Variants in IQSEC1 observed in about 807,000 individuals in gnomAD.
The protein encoded by IQSEC1 is IQ motif and Sec7 domain ArfGEF 1.
Under a neutral mutation model 91.0 loss-of-function variants are expected in IQSEC1, and 31 were observed. That is an observed-to-expected ratio of 0.34 (90% CI 0.26 to 0.46). The LOEUF (loss-of-function observed/expected upper bound fraction) is 0.46, where lower values mean the gene tolerates loss of function less well. IQSEC1 is among the 20% of genes least tolerant of loss of function. The pLI is 1.00. For missense variants in IQSEC1, 1,388 were observed against 1,575.6 expected, an observed-to-expected ratio of 0.88 and a Z score of 2.02; for synonymous variants, 699 against 662.6, an observed-to-expected ratio of 1.05 and a Z score of -0.84.
At chr3:13,077,400 C>A (rs140040177), upstream of IQSEC1, among the ~76,000 whole-genome samples, 91 of 152,344 alleles carry the variant, frequency 6.0e-4, no homozygotes, top group East Asian at 0.015. Context: ...GAATCTCCTG[C>A]ATAGAGAGGT....
chr3:13,220,891 A>G (rs1356079732), intron 1 of IQSEC1, among the ~76,000 whole-genome samples: 1 of 152,126 alleles, frequency 6.6e-6, no homozygotes. Flanking sequence ...TCCTGTTTCT[A>G]TTGACAGCTA....
chr3:13,144,915 G>A (rs1220233574), intron 2 of IQSEC1, among the ~76,000 whole-genome samples: 1 of 152,232 alleles, frequency 6.6e-6, no homozygotes, highest in African/African-American at 2.4e-5. Context: ...TCTGGCCATG[G>A]CAGGGCTAAG....
At chr3:13,273,203 C>T (rs1443071165) in intron 1 of IQSEC1, among the ~76,000 whole-genome samples, 1 of 152,288 alleles carries the variant, frequency 6.6e-6, no homozygotes. Context: ...GCTGGCCTGG[C>T]CCCAGAGTCT....
intron 1 of IQSEC1, among the ~76,000 whole-genome samples, chr3:13,014,166 G>A (rs1703011657): frequency 6.6e-6 from 1 of 152,148 alleles, no homozygotes; most frequent in African/African-American, 2.4e-5. Flanking sequence ...TGGGCCAACA[G>A]CCCCTGGCTC....
intron 2 of IQSEC1, among the ~76,000 whole-genome samples, chr3:13,131,037 A>AAAGGAAAGGAAGGAAGG (rs1706606644): frequency 7.0e-6 from 1 of 143,792 alleles, no homozygotes; most frequent in Non-Finnish European, 1.5e-5. Context: ...GGAAGGAAGG[A>AAAGGAAAGGAAGGAAGG]AAGGAAGGAA....
intron 1 of IQSEC1, among the ~76,000 whole-genome samples, chr3:13,053,392 A>G (rs1576218482): frequency 6.6e-6 from 1 of 152,212 alleles, no homozygotes; most frequent in African/African-American, 2.4e-5. Flanking sequence ...CGCTGCTGTA[A>G]GAATTATTCC....
At position 13,214,575 on chromosome 3, in the gene IQSEC1, C is replaced by T. The variant is rs1694507425; in HGVS notation, c.273-50442G>A. ...GGCCTCTCACTGCCAGGTGGACGAA[C>T]CAGGGCAGGAATCCTAGCAGAAGCC... On this transcript the variant is annotated intron_variant, in intron 1 of 15. Coordinates refer to the IQSEC1 transcript ENST00000648114. This position sits in a 1 kb window ranked among gnomAD's most constrained non-coding sequence, Gnocchi z 4.5. 1.3e-5 allele frequency among the ~76,000 whole-genome samples: 2 copies of T among 152,380 alleles called. No homozygotes were observed. Among genetic ancestry groups the T allele is most frequent in the South Asian group, 4.1e-4 (2 of 4,834 alleles).
chr3:12,926,504 T>C (rs1697150111), intron 3 of IQSEC1, among the ~76,000 whole-genome samples: 3 of 152,302 alleles, frequency 2.0e-5, no homozygotes, highest in South Asian at 4.1e-4. Flanking sequence ...TGTCAAGTGG[T>C]TGGGGACACC....
At chr3:13,210,751 C>T (rs1338301828) in intron 1 of IQSEC1, among the ~76,000 whole-genome samples, 6 of 152,096 alleles carry the variant, frequency 3.9e-5, no homozygotes, top group Non-Finnish European at 8.8e-5. Context: ...CTTCAGGCAG[C>T]CTCAGGAGTC....
At chr3:13,073,908 C>T (rs1705517118), upstream of IQSEC1, among the ~76,000 whole-genome samples, 1 of 152,242 alleles carries the variant, frequency 6.6e-6, no homozygotes, top group Non-Finnish European at 1.5e-5. Flanking sequence ...GCGCACCACG[C>T]CAGTAGCTGC....
At chr3:13,075,917 G>A (rs372198204), upstream of IQSEC1, among the ~76,000 whole-genome samples, 2 of 152,166 alleles carry the variant, frequency 1.3e-5, no homozygotes, top group Non-Finnish European at 2.9e-5. Context: ...GAAAAGGGGC[G>A]CGCCCACCTG....
At chr3:13,049,086 C>A (rs149786162) in intron 1 of IQSEC1, among the ~76,000 whole-genome samples, 2 of 152,124 alleles carry the variant, frequency 1.3e-5, no homozygotes, top group South Asian at 4.1e-4. Context: ...GGAGAGCTAG[C>A]GGGGTGGCAA....
At chr3:13,217,800 T>C (rs959642307) in intron 1 of IQSEC1, among the ~76,000 whole-genome samples, 23 of 152,182 alleles carry the variant, frequency 1.5e-4, no homozygotes, top group Admixed American at 1.4e-3. Context: ...TAGAAAAGAA[T>C]GCTCAAAATA....
intron 1 of IQSEC1, among the ~76,000 whole-genome samples, chr3:12,991,624 A>G (rs1701995097): frequency 6.6e-6 from 1 of 152,202 alleles, no homozygotes. Flanking sequence ...GACCAGCACA[A>G]AGGCAGCTCC....
chr3:13,187,568 T>A (rs1693956277), intron 1 of IQSEC1, among the ~76,000 whole-genome samples: 1 of 152,226 alleles, frequency 6.6e-6, no homozygotes, highest in Non-Finnish European at 1.5e-5. Context: ...AAGCAGTGAC[T>A]GCTCCTGTCT....
In IQSEC1 at chr3:12,900,641, T is replaced by C. The variant is rs1000382152; in HGVS notation, c.*342A>G. ...TCGTTTTCTAGGTTGGGTTTTCATATGCATGTACATTAGGGCACAGGGAGC... is the reference window on the plus strand; with the variant it reads ...TCGTTTTCTAGGTTGGGTTTTCATACGCATGTACATTAGGGCACAGGGAGC... On this transcript the variant is annotated 3_prime_UTR_variant, in exon 14 of 14. Transcript: ENST00000613206. 2.8e-5 allele frequency: 32 copies of C among 1,163,012 alleles called. No individual in the cohort carries two copies. Among genetic ancestry groups the C allele is most frequent in the Admixed American group, 4.4e-5 (1 of 22,908 alleles). The allele number at this position is 1,163,012 out of a possible 1,614,324, so 72.0% of individuals were successfully genotyped here.
chr3:12,932,789 C>A (rs994446474), intron 3 of IQSEC1, among the ~76,000 whole-genome samples: 4 of 152,212 alleles, frequency 2.6e-5, no homozygotes, highest in Admixed American at 2.6e-4. Context: ...GGCTCCTGCA[C>A]CCCTGCCCTC....
intron 1 of IQSEC1, among the ~76,000 whole-genome samples, chr3:13,270,777 T>C (rs1695578984): frequency 6.6e-6 from 1 of 152,214 alleles, no homozygotes; most frequent in African/African-American, 2.4e-5. Flanking sequence ...AAATTGTATA[T>C]ATAAATCTCA....
Position 13,043,446 on chromosome 3 carries a change from C to T in IQSEC1, c.23+29546G>A, listed in dbSNP as rs577132522. Among the ~76,000 whole-genome samples, 7 of 152,314 alleles carry T rather than the reference C, an allele frequency of 4.6e-5. No homozygotes were observed. The South Asian group carries it at 1.4e-3, about 32-fold the overall frequency. Reference sequence around the variant, plus strand: ...CACCCTCACCCCCATGAATCCGGCACACCCTTTGGTTCCATGCAGTCTGCT... The same window carrying T: ...CACCCTCACCCCCATGAATCCGGCATACCCTTTGGTTCCATGCAGTCTGCT... On this transcript the variant is annotated intron_variant, in intron 1 of 13. Transcript: ENST00000613206.
Sources: gnomAD v4.1 joint callset for allele counts (sites outside exome capture counted in the v4.1 genomes callset) on GRCh38, gnomAD v4.1.1 for gene constraint, Gnocchi (gnomAD v3.1) non-coding constraint, MANE v1.5 for transcripts, NCBI Gene and HGNC (gene_info 2026-07-23, HGNC 2026-07-21) for gene names.